Variants in EXOSC10 observed in about 807,000 individuals in gnomAD.
EXOSC10 encodes the protein exosome complex component 10.
In EXOSC10, 94 loss-of-function variants were observed where a neutral mutation model predicts 126.6. The observed-to-expected ratio is 0.74, with a 90% CI of 0.63 to 0.88. The LOEUF (loss-of-function observed/expected upper bound fraction) is 0.88. EXOSC10 is among the 40% of genes least tolerant of loss of function. The pLI is 0.00. For missense variants in EXOSC10, 1,041 were observed against 1,100.5 expected, an observed-to-expected ratio of 0.95 and a Z score of 0.77; for synonymous variants, 395 against 400.8, an observed-to-expected ratio of 0.99 and a Z score of 0.17.
intron 16 of EXOSC10, 199 bp downstream of exon 16, chr1:11,077,166 T>C: frequency 3.2e-6 from 2 of 634,088 alleles, no homozygotes; most frequent in South Asian, 2.0e-5. Context: ...AATTTTTGTA[T>C]TTTTAGTAGA....
intron 10 of EXOSC10, 125 bp from the exon 11 acceptor site, chr1:11,081,363 C>T: frequency 4.0e-6 from 4 of 1,011,930 alleles, no homozygotes; most frequent in Non-Finnish European, 5.9e-6. Flanking sequence ...ATAGTCAATA[C>T]TGCAGTTATG....
chr1:11,074,078 C>T, intron 18 of EXOSC10, 70 bp from the exon 19 acceptor site: 7 of 1,491,388 alleles, frequency 4.7e-6, no homozygotes, highest in Non-Finnish European at 6.6e-6. Flanking sequence ...CAGAAGCGCT[C>T]AGATGGGGGG....
intron 19 of EXOSC10, 89 bp from the exon 20 acceptor site, chr1:11,072,260 T>G: frequency 1.1e-6 from 1 of 900,056 alleles, no homozygotes. Flanking sequence ...GAAGGGCAGG[T>G]TAACCTAAGA....
Position 11,092,667 on chromosome 1 carries a change from G to A in EXOSC10, c.373-1070C>T, listed in dbSNP as rs141537303. The stretch of plus-strand genomic sequence containing the variant: ...CGAGTATCTGGGACTACAGGTGCAC[G>A]CCACCACGCCCAGCTAATTTTTGTA... On this transcript the variant is annotated intron_variant, in intron 3 of 24. Transcript: ENST00000376936. Among the ~76,000 whole-genome samples the A allele has an allele frequency of 1.7e-3, 248 of 148,904 alleles. 2 individuals carry two copies. Among genetic ancestry groups the A allele is most frequent in the African/African-American group, 5.9e-3 (238 of 40,460 alleles).
intron 4 of EXOSC10, 145 bp downstream of exon 4, chr1:11,091,348 T>G: frequency 1.1e-6 from 1 of 904,288 alleles, no homozygotes; most frequent in Non-Finnish European, 1.7e-6. Flanking sequence ...AGGGTGTAAT[T>G]AGTTTGTGTA....
chr1:11,090,981 GACT>G (rs777988078), intron 5 of EXOSC10, 30 bp downstream of exon 5: 8 of 1,602,008 alleles, frequency 5.0e-6, no homozygotes, highest in Non-Finnish European at 4.3e-6. Context: ...AATAAAGTGA[GACT>G]CAAACACAGG....
chr1:11,071,868 AACG>A (rs1639518186), intron 20 of EXOSC10: 3 of 73,864 alleles, frequency 4.1e-5, no homozygotes, highest in Non-Finnish European at 9.9e-5. Flanking sequence ...TCCAACCACC[AACG>A]AGACAGCTAC....
chr1:11,076,645 C>T (rs969078490), intron 17 of EXOSC10, among the ~76,000 whole-genome samples, 197 bp downstream of exon 17: 3 of 151,106 alleles, frequency 2.0e-5, no homozygotes, highest in African/African-American at 7.4e-5. Context: ...CCCCCATCCA[C>T]GTCCCCAGAC....
At chr1:11,097,333 G>C (rs1275176519) in intron 2 of EXOSC10, among the ~76,000 whole-genome samples, 1 of 148,366 alleles carries the variant, frequency 6.7e-6, no homozygotes, top group Non-Finnish European at 1.5e-5. Flanking sequence ...AGCCGAGATT[G>C]AGCCAATGCA....
At position 11,087,799 on chromosome 1, in the gene EXOSC10, C is replaced by T. The variant is rs199578421; in HGVS notation, c.945+1G>A. The T allele has an allele frequency of 6.2e-7, 1 of 1,609,192 alleles. No individual in the cohort carries two copies. On this transcript the variant is annotated splice_donor_variant, in intron 8 of 24. Coordinates refer to ENST00000376936, the MANE Select transcript of EXOSC10 (RefSeq NM_001001998.3). LOFTEE classifies it high-confidence loss of function. ...TTTACCCAGGGTCATTTATAAGATACCTCCAAGTCAACTGCAAATTCCTGA... is the reference window on the plus strand; with the variant it reads ...TTTACCCAGGGTCATTTATAAGATATCTCCAAGTCAACTGCAAATTCCTGA...
At chr1:11,097,889 C>T in intron 2 of EXOSC10, 131 bp downstream of exon 2, 4 of 932,092 alleles carry the variant, frequency 4.3e-6, no homozygotes, top group Non-Finnish European at 5.8e-6. Context: ...TCCATTGCTT[C>T]AATTTTCACA....
At position 11,085,894 on chromosome 1, in the gene EXOSC10, T is replaced by C. The variant is rs190485180; in HGVS notation, c.1089+1554A>G. On this transcript the variant is annotated intron_variant, in intron 9 of 24. Coordinates refer to ENST00000376936, the MANE Select transcript of EXOSC10 (RefSeq NM_001001998.3). ...TTGAGATAATCACGTGGTTTTTGTCTTTGGTTCTGTTTATACGCTGCATTA... is the reference window on the plus strand; with the variant it reads ...TTGAGATAATCACGTGGTTTTTGTCCTTGGTTCTGTTTATACGCTGCATTA... Among the ~76,000 whole-genome samples the C allele has an allele frequency of 2.3e-3, 357 of 152,340 alleles. 1 individual carries two copies. Among genetic ancestry groups the C allele is most frequent in the African/African-American group, 8.0e-3 (333 of 41,564 alleles).
chr1:11,082,965 C>T, intron 9 of EXOSC10, 87 bp from the exon 10 acceptor site: 1 of 1,088,448 alleles, frequency 9.2e-7, no homozygotes, highest in Non-Finnish European at 1.4e-6. Context: ...TATTAGAACA[C>T]TGAAATTAGA....
chr1:11,077,422 C>T lies in EXOSC10; in HGVS notation c.1822G>A (p.Gly608Arg). The T allele has an allele frequency of 6.2e-7, 1 of 1,614,042 alleles. No homozygotes were observed. The highest frequency in any genetic ancestry group is 8.5e-7 in the Non-Finnish European group (1 of 1,179,992). Residue 608 changes from glycine to arginine, a missense_variant, in exon 16 of 25, where the codon GGA (glycine) becomes AGA (arginine). Gly to Arg is a moderately radical substitution (Grantham distance 125). This residue lies in a region of EXOSC10 where 388 missense variants were observed against 415.2 expected (regional missense o/e 0.93). Coordinates refer to ENST00000376936, the MANE Select transcript of EXOSC10 (RefSeq NM_001001998.3). ...SAERLENVLF[G>R]PHDCSHAPPD... ...GGGGCATGGGAGCAGTCGTGAGGTC[C>T]AAAGAGAACATTCTCCAATCTCTGC...
chr1:11,098,595 A>T (rs1412023995), intron 1 of EXOSC10, among the ~76,000 whole-genome samples: 1 of 152,224 alleles, frequency 6.6e-6, no homozygotes, highest in Non-Finnish European at 1.5e-5. Flanking sequence ...TTGGCACATA[A>T]GCGTTATTAT....
At chr1:11,066,885 G>T in intron 24 of EXOSC10, 137 bp from the exon 25 acceptor site, 1 of 892,098 alleles carries the variant, frequency 1.1e-6, no homozygotes, top group Non-Finnish European at 1.8e-6. Context: ...AGAACTCGGC[G>T]GCCCACCAGA....
chr1:11,070,671 G>A, intron 21 of EXOSC10: 1 of 520,046 alleles, frequency 1.9e-6, no homozygotes, highest in Non-Finnish European at 3.4e-6. Flanking sequence ...GAGTGGTCTG[G>A]CATATTTACC....
intron 9 of EXOSC10, among the ~76,000 whole-genome samples, chr1:11,083,877 G>A (rs1171014034): frequency 2.0e-5 from 3 of 151,904 alleles, no homozygotes; most frequent in African/African-American, 7.3e-5. Flanking sequence ...AATATGCAGT[G>A]TTTGGTTTTT....
chr1:11,099,213 C>A (rs546458167), intron 1 of EXOSC10, among the ~76,000 whole-genome samples: 1 of 152,208 alleles, frequency 6.6e-6, no homozygotes, highest in African/African-American at 2.4e-5. Flanking sequence ...GCCCTGTATA[C>A]CTTCCAGGAG....
Sources: allele counts gnomAD v4.1 joint callset (sites outside exome capture counted in the v4.1 genomes callset), GRCh38; gene constraint gnomAD v4.1.1; regional missense constraint gnomAD v4.1.1; transcripts MANE v1.5; gene names NCBI Gene and HGNC (gene_info 2026-07-23, HGNC 2026-07-21).